KIRREL3: variants seen among roughly 807,000 people sequenced by gnomAD.
KIRREL3 encodes the protein kirre like nephrin family adhesion molecule 3.
In KIRREL3, 36 loss-of-function variants were observed where a neutral mutation model predicts 89.7. The observed-to-expected ratio is 0.40, with a 90% CI of 0.31 to 0.53. The LOEUF is 0.53. Ranked by LOEUF, KIRREL3 falls within the 20% of genes least tolerant of loss-of-function variation. The probability of loss-of-function intolerance (pLI) is 0.49; values close to 1 mark genes in which losing one functional copy is unlikely to be tolerated. For synonymous variants in KIRREL3, 445 were observed against 441.4 expected (o/e 1.01, Z -0.10); for missense variants, 864 against 1,056.6 (o/e 0.82, Z 2.53).
rs576209414 is a variant in KIRREL3, at chr11:126,860,674, G to C, written c.55+139781C>G. Among the ~76,000 whole-genome samples the C allele has an allele frequency of 6.6e-6, 1 of 152,182 alleles. No individual in the cohort carries two copies. Among genetic ancestry groups the C allele is most frequent in the Non-Finnish European group, 1.5e-5 (1 of 68,028 alleles). ...GGTTTCTAGACAGAAGAATGGCTTG[G>C]GGGGCTGTGTGTTTGAGAGACTTCT... On this transcript the variant is annotated intron_variant, in intron 1 of 16. Transcript: ENST00000525144. The surrounding 1 kb of genome is among the most constrained non-coding windows in gnomAD (Gnocchi z 4.6).
chr11:126,554,837 T>C (rs1243073448), intron 2 of KIRREL3, among the ~76,000 whole-genome samples: 1 of 152,106 alleles, frequency 6.6e-6, no homozygotes, highest in African/African-American at 2.4e-5. Context: ...CCTGTGCCCA[T>C]GAAAAGACTT....
chr11:126,444,243 A>G (rs959062212), intron 10 of KIRREL3, among the ~76,000 whole-genome samples: 1 of 152,140 alleles, frequency 6.6e-6, no homozygotes, highest in African/African-American at 2.4e-5. Flanking sequence ...GGGCCCCTGA[A>G]CACGTGGCCT....
At chr11:126,939,759 A>T (rs1200220130) in intron 1 of KIRREL3, among the ~76,000 whole-genome samples, 1 of 152,198 alleles carries the variant, frequency 6.6e-6, no homozygotes, top group Admixed American at 6.5e-5. Flanking sequence ...TTGAGTCAGC[A>T]TTTCTACTTT....
intron 1 of KIRREL3, among the ~76,000 whole-genome samples, chr11:126,992,013 A>C (rs925506282): frequency 2.6e-5 from 4 of 152,206 alleles, no homozygotes; most frequent in African/African-American, 9.6e-5. Context: ...GTGCTTGTGA[A>C]AGCCACTCTG....
At chr11:126,451,812 A>C (rs1450020783) in intron 7 of KIRREL3, among the ~76,000 whole-genome samples, 1 of 151,782 alleles carries the variant, frequency 6.6e-6, no homozygotes, top group Admixed American at 6.6e-5. Context: ...TCTGATCCCA[A>C]CATTCTTTTT....
At chr11:126,583,692 C>A (rs942166582) in intron 1 of KIRREL3, among the ~76,000 whole-genome samples, 6 of 152,170 alleles carry the variant, frequency 3.9e-5, no homozygotes, top group Admixed American at 3.9e-4. Context: ...TCCCATCTAC[C>A]TCGAGGAGCT....
chr11:126,889,196 T>C (rs1235649305), intron 1 of KIRREL3, among the ~76,000 whole-genome samples: 1 of 151,266 alleles, frequency 6.6e-6, no homozygotes, highest in East Asian at 2.0e-4. Context: ...TTCCCCTTAG[T>C]GACCCCTCCC....
rs1388614218 is a variant in KIRREL3 at position 126,684,987 on chromosome 11, T to C, written c.56-122075A>G. Among the ~76,000 whole-genome samples, 1 of 152,158 alleles carries C rather than the reference T, an allele frequency of 6.6e-6. No individual in the cohort carries two copies. Among genetic ancestry groups the C allele is most frequent in the Non-Finnish European group, 1.5e-5 (1 of 68,018 alleles). ...CTCTCTCCCTCATTTCTGGCTTCCC[T>C]CTTTTTCTCCTTCCTCTTCTCCTCC... On this transcript the variant is annotated intron_variant, in intron 1 of 16. Transcript: ENST00000525144. The surrounding 1 kb of genome is among the most constrained non-coding windows in gnomAD (Gnocchi z 4.2).
intron 1 of KIRREL3, among the ~76,000 whole-genome samples, chr11:126,827,412 G>A (rs755496266): frequency 3.9e-5 from 6 of 152,042 alleles, no homozygotes; most frequent in Non-Finnish European, 8.8e-5. Context: ...TCCTGACCTC[G>A]TGATTCATCC....
chr11:126,443,824 TTCAGTTCCTGCAGGG>T lies in KIRREL3; in HGVS notation c.1252+1140_1252+1154del, dbSNP rs1177358473. Among the ~76,000 whole-genome samples, 6 of 152,100 alleles carry T rather than the reference TTCAGTTCCTGCAGGG, an allele frequency of 3.9e-5. No individual in the cohort carries two copies. Among genetic ancestry groups the T allele is most frequent in the Non-Finnish European group, 8.8e-5 (6 of 68,004 alleles). ...CCAGATGTCCTGCAAATGTTGGTGG[TTCAGTTCCTGCAGGG>T]TCCCAGAGCTTTGGGGTTTTGATCT... is the stretch of plus-strand genomic sequence containing the variant. On this transcript the variant is annotated intron_variant, in intron 10 of 16. Transcript: ENST00000525144. The surrounding 1 kb of genome is among the most constrained non-coding windows in gnomAD (Gnocchi z 7.3).
In KIRREL3 at chr11:126,900,068, T is replaced by G. The variant is rs554616536; in HGVS notation, c.55+100387A>C. 1.3e-5 allele frequency among the ~76,000 whole-genome samples: 2 copies of G among 152,298 alleles called. No homozygotes were observed. The highest frequency in any genetic ancestry group is 4.1e-4 in the South Asian group (2 of 4,828). ...TTTTGTAAAAGGAATAGCTAGCTGG[T>G]GGGTCACTTCCTCTGCTCTCCAAAT... On this transcript the variant is annotated intron_variant, in intron 1 of 16. Coordinates refer to ENST00000525144, the MANE Select transcript of KIRREL3 (RefSeq NM_032531.4). This position sits in a 1 kb window ranked among gnomAD's most constrained non-coding sequence, Gnocchi z 4.4.
chr11:126,998,956 T>TGCGC lies in KIRREL3; in HGVS notation c.55+1498_55+1499insGCGC, dbSNP rs1555118663. On this transcript the variant is annotated intron_variant, in intron 1 of 16. Coordinates refer to ENST00000525144, the MANE Select transcript of KIRREL3 (RefSeq NM_032531.4). ...GTGTGTGTGTGTGTGTGTGTGTGTG[T>TGCGC]GCTCATAAGCAAGCACATACACATC... is the stretch of plus-strand genomic sequence containing the variant. Among the ~76,000 whole-genome samples the TGCGC allele has an allele frequency of 4.1e-5, 5 of 120,690 alleles. No homozygotes were observed. In the East Asian group the frequency reaches 1.1e-3, roughly 27 times the overall value. The allele number at this position is 120,690 out of a possible 152,430, so 79.2% of individuals were successfully genotyped here.
In KIRREL3 at chr11:126,641,694, G is replaced by A. The variant is rs906349059; in HGVS notation, c.56-78782C>T. On this transcript the variant is annotated intron_variant, in intron 1 of 16. Transcript: ENST00000525144. The surrounding 1 kb of genome is among the most constrained non-coding windows in gnomAD (Gnocchi z 5.0). ...TCCATACCCCTATTACATAACACAA[G>A]TCTTTCTCCTTCTCTCTTTGTACCC... Among the ~76,000 whole-genome samples, 4 of 151,948 alleles carry A rather than the reference G, an allele frequency of 2.6e-5. No individual in the cohort carries two copies. Among genetic ancestry groups the A allele is most frequent in the Non-Finnish European group, 5.9e-5 (4 of 67,998 alleles).
In KIRREL3 at chr11:126,653,800, G is replaced by A. The variant is rs1289749083; in HGVS notation, c.56-90888C>T. On this transcript the variant is annotated intron_variant, in intron 1 of 16. Coordinates refer to ENST00000525144, the MANE Select transcript of KIRREL3 (RefSeq NM_032531.4). This position sits in a 1 kb window ranked among gnomAD's most constrained non-coding sequence, Gnocchi z 5.4. ...ACCTGAGAAGGTGGAGAAGGGCAGGGATGCCCCTGGCACTTTTTTTGTCTC... is the reference window on the plus strand; with the variant it reads ...ACCTGAGAAGGTGGAGAAGGGCAGGAATGCCCCTGGCACTTTTTTTGTCTC... Among the ~76,000 whole-genome samples the A allele has an allele frequency of 6.6e-6, 1 of 152,210 alleles. No individual in the cohort carries two copies. Among genetic ancestry groups the A allele is most frequent in the Non-Finnish European group, 1.5e-5 (1 of 68,040 alleles).
chr11:126,983,643 C>A lies in KIRREL3; in HGVS notation c.55+16812G>T, dbSNP rs1418370771. Among the ~76,000 whole-genome samples, 3 of 152,106 alleles carry A rather than the reference C, an allele frequency of 2.0e-5. No homozygotes were observed. The highest frequency in any genetic ancestry group is 4.4e-5 in the Non-Finnish European group (3 of 68,010). On this transcript the variant is annotated intron_variant, in intron 1 of 16. Coordinates refer to ENST00000525144, the MANE Select transcript of KIRREL3 (RefSeq NM_032531.4). This position sits in a 1 kb window ranked among gnomAD's most constrained non-coding sequence, Gnocchi z 4.9. Reference sequence around the variant, plus strand: ...CGAGCCAAGGAGTGTAGGCACTCTGCCTCTAGAAGCCAGAAAAGGCCAAGA... The same window carrying A: ...CGAGCCAAGGAGTGTAGGCACTCTGACTCTAGAAGCCAGAAAAGGCCAAGA...
chr11:126,932,207 G>A (rs1947975633), intron 1 of KIRREL3, among the ~76,000 whole-genome samples: 1 of 152,230 alleles, frequency 6.6e-6, no homozygotes. Flanking sequence ...GAAAGGACAT[G>A]CACGTGAAAG....
At chr11:126,733,168 C>G (rs3862641) in intron 1 of KIRREL3, among the ~76,000 whole-genome samples, 97,249 of 152,126 alleles carry the variant, frequency 0.64, 31,512 homozygotes, top group East Asian at 0.91. Flanking sequence ...TTTTGGCTTT[C>G]GGCTGAACTT....
At position 126,879,122 on chromosome 11, in the gene KIRREL3, G is replaced by A. The variant is rs140651233; in HGVS notation, c.55+121333C>T. On this transcript the variant is annotated intron_variant, in intron 1 of 16. Coordinates refer to ENST00000525144, the MANE Select transcript of KIRREL3 (RefSeq NM_032531.4). This position sits in a 1 kb window ranked among gnomAD's most constrained non-coding sequence, Gnocchi z 5.4. ...CTTTCTTCCCATCACTGACAGCAAA[G>A]GGAGGAAATAGTCTGAGTCCAGCTA... Among the ~76,000 whole-genome samples the A allele has an allele frequency of 9.2e-5, 14 of 152,332 alleles. No homozygotes were observed. Among genetic ancestry groups the A allele is most frequent in the African/African-American group, 3.4e-4 (14 of 41,580 alleles).
intron 1 of KIRREL3, among the ~76,000 whole-genome samples, chr11:126,974,925 T>C (rs1002907932): frequency 6.6e-6 from 1 of 152,054 alleles, no homozygotes; most frequent in African/African-American, 2.4e-5. Flanking sequence ...TATGTATGTA[T>C]TTATTTATGA....
Sources: gnomAD v4.1 joint callset for allele counts (sites outside exome capture counted in the v4.1 genomes callset) on GRCh38, gnomAD v4.1.1 for gene constraint, Gnocchi (gnomAD v3.1) non-coding constraint, MANE v1.5 for transcripts, NCBI Gene and HGNC (gene_info 2026-07-23, HGNC 2026-07-21) for gene names.